The following ZCWPW2 variants were observed in gnomAD, a reference collection of about 807,000 sequenced individuals.
The protein encoded by ZCWPW2 is zinc finger CW-type PWWP domain protein 2.
A neutral mutation model predicts 46.6 loss-of-function variants in ZCWPW2; 45 were observed. That is an observed-to-expected ratio of 0.96 (90% confidence interval 0.76 to 1.24). The LOEUF (loss-of-function observed/expected upper bound fraction) is 1.24. Among genes scored for constraint, ZCWPW2 ranks in the 50% most tolerant of loss-of-function variants. The pLI, the probability that ZCWPW2 is intolerant of heterozygous loss-of-function variation, is 0.00. For synonymous variants in ZCWPW2, 152 were observed against 137.1 expected (o/e 1.11, Z -0.76); for missense variants, 429 against 403.9 (o/e 1.06, Z -0.53).
chr3:28,480,864 CTTTTTT>C (rs56891846), intron 5 of ZCWPW2, among the ~76,000 whole-genome samples: 2 of 122,006 alleles, frequency 1.6e-5, no homozygotes, highest in African/African-American at 3.1e-5. Flanking sequence ...CATTTTTTTT[CTTTTTT>C]TTTTTTTTTT....
At chr3:28,505,405 T>C (rs1700249382) in intron 6 of ZCWPW2, among the ~76,000 whole-genome samples, 2 of 152,174 alleles carry the variant, frequency 1.3e-5, no homozygotes, top group South Asian at 4.1e-4. Context: ...TGATTGACAT[T>C]TATATAAGAA....
At chr3:28,440,349 T>C (rs541939849) in intron 4 of ZCWPW2, among the ~76,000 whole-genome samples, 1 of 152,294 alleles carries the variant, frequency 6.6e-6, no homozygotes, top group East Asian at 1.9e-4. Flanking sequence ...AACTAAGACC[T>C]CTAGGCCAGC....
At chr3:28,488,007 T>G (rs987573416) in intron 5 of ZCWPW2, among the ~76,000 whole-genome samples, 1 of 152,176 alleles carries the variant, frequency 6.6e-6, no homozygotes, top group African/African-American at 2.4e-5. Context: ...CAGAATGGTC[T>G]GACATATTAT....
chr3:28,472,551 G>C (rs565627223), intron 4 of ZCWPW2, among the ~76,000 whole-genome samples: 12 of 151,980 alleles, frequency 7.9e-5, no homozygotes, highest in African/African-American at 2.9e-4. Flanking sequence ...CCTATCTCTC[G>C]CCATAAATGA....
At chr3:28,442,252 G>C (rs1697791352) in intron 4 of ZCWPW2, among the ~76,000 whole-genome samples, 1 of 152,202 alleles carries the variant, frequency 6.6e-6, no homozygotes, top group Non-Finnish European at 1.5e-5. Flanking sequence ...TCCAAATGCA[G>C]CAACTTATCC....
intron 1 of ZCWPW2, among the ~76,000 whole-genome samples, chr3:28,385,359 A>G (rs985144603): frequency 2.0e-5 from 3 of 152,180 alleles, no homozygotes; most frequent in Non-Finnish European, 1.5e-5. Flanking sequence ...GTTGGCCTGT[A>G]TAGCTTTTAA....
intron 2 of ZCWPW2, among the ~76,000 whole-genome samples, chr3:28,410,619 A>G (rs530425566): frequency 6.6e-6 from 1 of 152,174 alleles, no homozygotes; most frequent in Admixed American, 6.6e-5. Flanking sequence ...AAAGATGAAT[A>G]GAAACCTTGT....
intron 1 of ZCWPW2, among the ~76,000 whole-genome samples, chr3:28,356,305 C>T (rs1376743574): frequency 1.3e-5 from 2 of 150,314 alleles, no homozygotes; most frequent in Non-Finnish European, 3.0e-5. Context: ...CAATGAGACA[C>T]CATCTCACAC....
chr3:28,448,769 A>T (rs1698100081), intron 4 of ZCWPW2, among the ~76,000 whole-genome samples: 1 of 126,958 alleles, frequency 7.9e-6, no homozygotes. Flanking sequence ...TGGGCTACCA[A>T]GTGAGACTCT....
chr3:28,463,713 T>G (rs897011233), intron 4 of ZCWPW2, among the ~76,000 whole-genome samples: 1 of 152,084 alleles, frequency 6.6e-6, no homozygotes, highest in Non-Finnish European at 1.5e-5. Flanking sequence ...TGGTGGTACA[T>G]GCTTGTAGTC....
intron 1 of ZCWPW2, among the ~76,000 whole-genome samples, chr3:28,379,784 A>G (rs1473476928): frequency 6.6e-6 from 1 of 152,118 alleles, no homozygotes; most frequent in South Asian, 2.1e-4. Context: ...CCTTTTCCAT[A>G]GCAAAACTAG....
intron 5 of ZCWPW2, among the ~76,000 whole-genome samples, chr3:28,479,847 T>A (rs1699368445): frequency 6.6e-6 from 1 of 152,196 alleles, no homozygotes; most frequent in Admixed American, 6.5e-5. Flanking sequence ...TGCAAAGGAC[T>A]CATCTCACTC....
chr3:28,355,496 CTACTT>C (rs1395322004), intron 1 of ZCWPW2, among the ~76,000 whole-genome samples: 1 of 152,226 alleles, frequency 6.6e-6, no homozygotes, highest in African/African-American at 2.4e-5. Flanking sequence ...TTGGAAAAAA[CTACTT>C]TAAAGTTCAT....
intron 1 of ZCWPW2, among the ~76,000 whole-genome samples, chr3:28,355,358 A>G (rs1704691905): frequency 6.6e-6 from 1 of 152,272 alleles, no homozygotes; most frequent in Non-Finnish European, 1.5e-5. Flanking sequence ...GAGGACGCAA[A>G]TAAATGGAGG....
At chr3:28,512,164 C>T in intron 6 of ZCWPW2, among the ~76,000 whole-genome samples, 1 of 151,512 alleles carries the variant, frequency 6.6e-6, no homozygotes, top group East Asian at 1.9e-4. Flanking sequence ...TACAAATTGA[C>T]ATGAAAAATT....
intron 4 of ZCWPW2, among the ~76,000 whole-genome samples, chr3:28,445,542 A>G (rs1414443769): frequency 2.0e-5 from 3 of 152,150 alleles, no homozygotes; most frequent in Admixed American, 6.5e-5. Flanking sequence ...AAACAGCTAT[A>G]GAATATATGC....
At chr3:28,408,168 C>T (rs1022221242) in intron 2 of ZCWPW2, among the ~76,000 whole-genome samples, 2 of 152,264 alleles carry the variant, frequency 1.3e-5, no homozygotes, top group East Asian at 1.9e-4. Context: ...ATCTTCTCAG[C>T]GTTATCCACT....
At chr3:28,351,718 G>T (rs937147713) in intron 1 of ZCWPW2, 4 of 149,730 alleles carry the variant, frequency 2.7e-5, no homozygotes, top group Admixed American at 6.6e-5. Context: ...TACCTCAGGG[G>T]TCATATTTTT....
At chr3:28,522,966 A>T (rs1700761902) in intron 9 of ZCWPW2, among the ~76,000 whole-genome samples, 1 of 152,092 alleles carries the variant, frequency 6.6e-6, no homozygotes, top group South Asian at 2.1e-4. Flanking sequence ...AGCCAGATTG[A>T]TCTTTATAGC....
Sources: gnomAD v4.1 joint callset for allele counts (sites outside exome capture counted in the v4.1 genomes callset) on GRCh38, gnomAD v4.1.1 for gene constraint, MANE v1.5 for transcripts, NCBI Gene and HGNC (gene_info 2026-07-23, HGNC 2026-07-21) for gene names.